Variants in DYNC2I1 observed in about 807,000 individuals in gnomAD.
The protein encoded by DYNC2I1 is dynein 2 intermediate chain 1.
Under a neutral mutation model 133.4 loss-of-function variants are expected in DYNC2I1, and 89 were observed. The observed-to-expected ratio is 0.67, with a 90% CI of 0.56 to 0.80. The LOEUF is 0.80. Among genes scored for constraint, DYNC2I1 ranks in the 30% least tolerant of loss-of-function variants. The pLI, the probability that DYNC2I1 is intolerant of heterozygous loss-of-function variation, is 0.00. For synonymous variants in DYNC2I1, 504 were observed against 484.3 expected, an observed-to-expected ratio of 1.04 and a Z score of -0.54; for missense variants, 1,291 against 1,314.5, an observed-to-expected ratio of 0.98 and a Z score of 0.28.
chr7:158,950,583 A>G (rs1852025036), downstream of DYNC2I1, among the ~76,000 whole-genome samples: 1 of 15,910 alleles, frequency 6.3e-5, no homozygotes, highest in Admixed American at 6.3e-4. Context: ...ACCAGCCTCT[A>G]TACGATTCCA....
chr7:158,902,153 T>C (rs970635091), intron 9 of DYNC2I1, among the ~76,000 whole-genome samples: 1 of 152,240 alleles, frequency 6.6e-6, no homozygotes, highest in Admixed American at 6.5e-5. Context: ...GTCTTCTGTA[T>C]ATGGTTCTGT....
chr7:158,857,697 C>A (rs1841423189), intron 1 of DYNC2I1, among the ~76,000 whole-genome samples: 1 of 151,414 alleles, frequency 6.6e-6, no homozygotes, highest in Non-Finnish European at 1.5e-5. Context: ...GCCACCAAGC[C>A]CAGCTGATTT....
upstream of DYNC2I1, among the ~76,000 whole-genome samples, chr7:158,852,782 A>C (rs933993341): frequency 6.6e-6 from 1 of 152,206 alleles, no homozygotes; most frequent in Non-Finnish European, 1.5e-5. Context: ...TTTTAGGACA[A>C]ATTACTAAAG....
At chr7:158,862,700 C>T (rs1210346392) in intron 1 of DYNC2I1, among the ~76,000 whole-genome samples, 2 of 152,128 alleles carry the variant, frequency 1.3e-5, no homozygotes, top group East Asian at 3.9e-4. Context: ...TTGGTTCCTT[C>T]TGGTGGGTTC....
intron 15 of DYNC2I1, 56 bp downstream of exon 15, chr7:158,918,925 A>G: frequency 6.4e-7 from 1 of 1,560,298 alleles, no homozygotes; most frequent in East Asian, 2.3e-5. Context: ...ATTCATGTTG[A>G]AATAATACTC....
chr7:158,911,815 G>T, intron 12 of DYNC2I1, 136 bp downstream of exon 12: 1 of 1,194,544 alleles, frequency 8.4e-7, no homozygotes, highest in Non-Finnish European at 1.1e-6. Context: ...TAGGGAAAAT[G>T]GGGACCCATC....
rs1305756527 is a variant in DYNC2I1 at position 158,930,484 on chromosome 7, G to T, written c.2515G>T (p.Val839Leu). 1 of 1,613,104 alleles carries T rather than the reference G, an allele frequency of 6.2e-7. No individual in the cohort carries two copies. Among genetic ancestry groups the T allele is most frequent in the Non-Finnish European group, 8.5e-7 (1 of 1,179,634 alleles). ...GATGCCTGGAGGGAGGGTCAAGCTG[G>T]TACATAGTGCTCTGATCCAGTTGGG... Reference protein sequence around the residue: ...GLMPGGRVKLVHSALIQLGDS... With the variant: ...GLMPGGRVKLLHSALIQLGDS... Residue 839 changes from valine to leucine, a missense_variant, in exon 21 of 25, where the codon GTA (valine) becomes TTA (leucine). Transcript: ENST00000407559.
At chr7:158,928,066 C>T (rs1329057559) in intron 20 of DYNC2I1, among the ~76,000 whole-genome samples, 1 of 152,128 alleles carries the variant, frequency 6.6e-6, no homozygotes, top group Non-Finnish European at 1.5e-5. Context: ...GGATGCTGCC[C>T]CGAGGGCCCT....
intron 8 of DYNC2I1, among the ~76,000 whole-genome samples, chr7:158,897,175 A>T (rs1475126797): frequency 6.6e-6 from 1 of 151,630 alleles, no homozygotes; most frequent in Non-Finnish European, 1.5e-5. Context: ...GTAGAGGTGG[A>T]GTTTCAGCAT....
chr7:158,956,821 C>G (rs1020493525), downstream of DYNC2I1: 9 of 152,306 alleles, frequency 5.9e-5, no homozygotes, highest in African/African-American at 1.9e-4. Context: ...AAATGTTAGG[C>G]CTGATCCCTG....
chr7:158,935,818 C>T (rs550150567), intron 23 of DYNC2I1, among the ~76,000 whole-genome samples: 46 of 152,338 alleles, frequency 3.0e-4, no homozygotes, highest in African/African-American at 1.1e-3. Flanking sequence ...GTAATCCCAG[C>T]ACTTTGGGAG....
intron 5 of DYNC2I1, 74 bp downstream of exon 5, chr7:158,880,063 G>T: frequency 6.6e-7 from 1 of 1,505,908 alleles, no homozygotes; most frequent in Non-Finnish European, 8.9e-7. Context: ...TTACCGGGCG[G>T]TGTCGCCAGA....
intron 1 of DYNC2I1, among the ~76,000 whole-genome samples, chr7:158,863,682 A>G: frequency 2.3e-5 from 1 of 44,162 alleles, no homozygotes; most frequent in Non-Finnish European, 3.8e-5. Flanking sequence ...GGAGAGCGGG[A>G]CGTCCTTAGC....
At chr7:158,954,448 C>A (rs1447625498) in intron 4 of DYNC2I1, among the ~76,000 whole-genome samples, 1 of 152,146 alleles carries the variant, frequency 6.6e-6, no homozygotes, top group East Asian at 1.9e-4. Flanking sequence ...AGCTCAAGAC[C>A]AGCCTTTTGG....
At chr7:158,947,762 G>A (rs1851932975), downstream of DYNC2I1, among the ~76,000 whole-genome samples, 1 of 152,232 alleles carries the variant, frequency 6.6e-6, no homozygotes, top group South Asian at 2.1e-4. Context: ...GTGCCCAGGA[G>A]GTGCAGCCTC....
chr7:158,923,491 C>A (rs571074126), intron 16 of DYNC2I1, 80 bp from the exon 17 acceptor site: 1 of 1,598,778 alleles, frequency 6.3e-7, no homozygotes, highest in Non-Finnish European at 8.6e-7. Context: ...TGGTCAGACA[C>A]CCCACTCAGT....
intron 1 of DYNC2I1, among the ~76,000 whole-genome samples, chr7:158,864,606 C>T (rs1842238564): frequency 6.6e-6 from 1 of 151,996 alleles, no homozygotes; most frequent in African/African-American, 2.4e-5. Flanking sequence ...ACCTCCTGGG[C>T]TCAAGTGAGC....
At chr7:158,914,398 T>C (rs1248500325) in intron 14 of DYNC2I1, 77 bp downstream of exon 14, 6 of 1,154,186 alleles carry the variant, frequency 5.2e-6, no homozygotes, top group Non-Finnish European at 7.4e-6. Flanking sequence ...ATAGGAGCTT[T>C]TAAGATCTTA....
intron 7 of DYNC2I1, among the ~76,000 whole-genome samples, chr7:158,889,538 A>G (rs1488421561): frequency 6.6e-6 from 1 of 152,114 alleles, no homozygotes; most frequent in East Asian, 1.9e-4. Flanking sequence ...ATGTTTCCCA[A>G]TTTTGTCTCT....
Sources: allele counts gnomAD v4.1 joint callset (sites outside exome capture counted in the v4.1 genomes callset), GRCh38; gene constraint gnomAD v4.1.1; transcripts MANE v1.5; gene names NCBI Gene and HGNC (gene_info 2026-07-23, HGNC 2026-07-21).